The following TRDN variants were observed in gnomAD, a reference collection of about 807,000 sequenced individuals.
TRDN encodes triadin.
TRDN carries 161 observed loss-of-function variants against 149.7 expected under a neutral mutation model. The ratio of observed to expected loss-of-function variants is 1.08; its 90% CI spans 0.95 to 1.23. The LOEUF (loss-of-function observed/expected upper bound fraction) is 1.23, where lower values mean the gene tolerates loss of function less well. TRDN is among the 50% of genes most tolerant of loss of function. The pLI, the probability that TRDN is intolerant of heterozygous loss-of-function variation, is 0.00. For missense variants in TRDN, 896 were observed against 823.5 expected, an observed-to-expected ratio of 1.09 and a Z score of -1.08; for synonymous variants, 294 against 250.5, an observed-to-expected ratio of 1.17 and a Z score of -1.64.
chr6:123,539,971 A>C (rs1478737405), intron 4 of TRDN, among the ~76,000 whole-genome samples: 1 of 152,246 alleles, frequency 6.6e-6, no homozygotes, highest in Non-Finnish European at 1.5e-5. Flanking sequence ...TTATTTAGCA[A>C]ATCGGAGATG....
intron 38 of TRDN, among the ~76,000 whole-genome samples, chr6:123,243,097 A>G (rs781567315): frequency 6.6e-6 from 1 of 152,128 alleles, no homozygotes; most frequent in Non-Finnish European, 1.5e-5. Context: ...TTGCTGCTGA[A>G]GGTTGCTACA....
chr6:123,382,119 T>A lies in TRDN; in HGVS notation c.1164A>T (p.Glu388Asp). The A allele has an allele frequency of 6.7e-7, 1 of 1,495,864 alleles. No individual in the cohort carries two copies. 92.7% of individuals were successfully genotyped at this position (1,495,864 alleles called of 1,614,324 possible). ...EDSKKTKKPA[E>D]VEQPKGKKQE... ...GAAAAAAAGAAATATGTCCAGTACC[T>A]TCTGCAGGTTTTTTTGTTTTCTTGG... Residue 388 changes from glutamate to aspartate, a missense_variant and splice_region_variant, in exon 15 of 41, where the codon GAA (glutamate) becomes GAT (aspartate). Physicochemically the swap from Glu to Asp is conservative, Grantham distance 45. Coordinates refer to ENST00000334268, the MANE Select transcript of TRDN (RefSeq NM_006073.4).
intron 37 of TRDN, among the ~76,000 whole-genome samples, chr6:123,252,715 T>C (rs1294504564): frequency 6.6e-6 from 1 of 152,004 alleles, no homozygotes; most frequent in Admixed American, 6.6e-5. Context: ...CAAATTCCTG[T>C]GCTCAAGCAA....
At chr6:123,536,797 T>A (rs777547064) in intron 4 of TRDN, among the ~76,000 whole-genome samples, 1 of 151,950 alleles carries the variant, frequency 6.6e-6, no homozygotes, top group Non-Finnish European at 1.5e-5. Flanking sequence ...GACAGGAGGA[T>A]CCCTTGAGCC....
chr6:123,447,155 A>G (rs1356059663), intron 10 of TRDN, among the ~76,000 whole-genome samples: 1 of 152,136 alleles, frequency 6.6e-6, no homozygotes, highest in African/African-American at 2.4e-5. Context: ...TATTCTCAGA[A>G]GTCTGCTCTT....
intron 9 of TRDN, among the ~76,000 whole-genome samples, 179 bp from the exon 10 acceptor site, chr6:123,465,162 C>T (rs1445145584): frequency 6.6e-6 from 1 of 152,108 alleles, no homozygotes; most frequent in African/African-American, 2.4e-5. Flanking sequence ...AAGACACCTT[C>T]GCGGATTCAG....
At chr6:123,440,253 C>T (rs1774802429) in intron 10 of TRDN, among the ~76,000 whole-genome samples, 1 of 152,128 alleles carries the variant, frequency 6.6e-6, no homozygotes, top group Non-Finnish European at 1.5e-5. Context: ...AATGTATTCA[C>T]ACTTTGTCTA....
intron 24 of TRDN, among the ~76,000 whole-genome samples, chr6:123,307,909 T>C (rs1778671705): frequency 6.6e-6 from 1 of 152,072 alleles, no homozygotes; most frequent in Non-Finnish European, 1.5e-5. Flanking sequence ...GGTTGTTACC[T>C]GGGTATATCG....
At position 123,503,613 on chromosome 6, in the gene TRDN, A is replaced by G. The variant is rs1562351118; in HGVS notation, c.793+106T>C. 1.9e-6 allele frequency: 3 copies of G among 1,541,392 alleles called. No individual in the cohort carries two copies. The East Asian group carries it at 7.0e-5, about 36-fold the overall frequency. On this transcript the variant is annotated intron_variant, in intron 8 of 40. Coordinates refer to ENST00000334268, the MANE Select transcript of TRDN (RefSeq NM_006073.4). ...ATTTACTTTAATGTCTTTTACCCCC[A>G]TTTGAAGTCTGATTTTGGTCTTTTT...
intron 10 of TRDN, chr6:123,439,853 G>A (rs1774775948): frequency 6.6e-6 from 1 of 152,192 alleles, no homozygotes; most frequent in Non-Finnish European, 1.5e-5. Flanking sequence ...AGTGGTTTTA[G>A]ATTTGGGACA....
intron 20 of TRDN, among the ~76,000 whole-genome samples, chr6:123,362,635 C>G (rs186079828): frequency 6.6e-6 from 1 of 152,258 alleles, no homozygotes; most frequent in East Asian, 1.9e-4. Context: ...TAAACATTGT[C>G]TTTTCCCCAG....
intron 25 of TRDN, 57 bp from the exon 26 acceptor site, chr6:123,278,404 T>C (rs1777454954): frequency 1.6e-5 from 17 of 1,044,082 alleles, no homozygotes; most frequent in Admixed American, 3.9e-5. Flanking sequence ...TCATTTCCTA[T>C]ATACTTGTGC....
At chr6:123,498,487 A>T in intron 8 of TRDN, 1 of 468,180 alleles carries the variant, frequency 2.1e-6, no homozygotes, top group Non-Finnish European at 4.4e-6. Context: ...AGTTCCAAAA[A>T]TTTAGATGTA....
At chr6:123,392,439 T>C (rs1054248821) in intron 13 of TRDN, among the ~76,000 whole-genome samples, 6 of 152,048 alleles carry the variant, frequency 3.9e-5, no homozygotes, top group African/African-American at 1.4e-4. Context: ...CCTAAGGTGA[T>C]TGTGGTTTTC....
At chr6:123,416,175 A>G (rs966858150) in intron 12 of TRDN, among the ~76,000 whole-genome samples, 1 of 152,156 alleles carries the variant, frequency 6.6e-6, no homozygotes, top group Admixed American at 6.5e-5. Context: ...CACACGAGAA[A>G]TGTGTTTATG....
At chr6:123,597,020 T>C (rs1784068698) in intron 1 of TRDN, among the ~76,000 whole-genome samples, 2 of 152,064 alleles carry the variant, frequency 1.3e-5, no homozygotes, top group Admixed American at 1.3e-4. Context: ...AATACGTTTT[T>C]GTAAAGCTAT....
At chr6:123,572,348 T>C (rs1458298593) in intron 1 of TRDN, among the ~76,000 whole-genome samples, 3 of 152,126 alleles carry the variant, frequency 2.0e-5, no homozygotes, top group East Asian at 1.9e-4. Flanking sequence ...GGTGACTCTT[T>C]ACCTTTTCTT....
At chr6:123,623,708 C>A (rs1213233510) in intron 1 of TRDN, among the ~76,000 whole-genome samples, 1 of 152,104 alleles carries the variant, frequency 6.6e-6, no homozygotes, top group East Asian at 1.9e-4. Context: ...TTTGCTCTTT[C>A]TTCTGTGTTC....
Position 123,589,191 on chromosome 6 carries a change from A to G in TRDN, c.23-18059T>C, listed in dbSNP as rs1172937453. On this transcript the variant is annotated intron_variant, in intron 1 of 40. Coordinates refer to ENST00000334268, the MANE Select transcript of TRDN (RefSeq NM_006073.4). ...AGTTTGCGGAAAGAATCTGCAGAAA[A>G]TCTCCCAAATTATGTGGGTTCAATC... Among the ~76,000 whole-genome samples, 7 of 152,340 alleles carry G rather than the reference A, an allele frequency of 4.6e-5. No individual in the cohort carries two copies. In the East Asian group the frequency reaches 1.2e-3, roughly 25 times the overall value.
Sources: gnomAD v4.1 joint callset for allele counts (sites outside exome capture counted in the v4.1 genomes callset) on GRCh38, gnomAD v4.1.1 for gene constraint, MANE v1.5 for transcripts, NCBI Gene and HGNC (gene_info 2026-07-23, HGNC 2026-07-21) for gene names.